The following LUZP2 variants were observed in gnomAD, a reference collection of about 807,000 sequenced individuals.
The protein encoded by LUZP2 is leucine zipper protein 2.
In LUZP2, 52 loss-of-function variants were observed where a neutral mutation model predicts 51.6. The ratio of observed to expected loss-of-function variants is 1.01; its 90% confidence interval spans 0.81 to 1.27. The LOEUF is 1.27. LUZP2 is among the 50% of genes most tolerant of loss of function. LUZP2 has a pLI of 0.00. For synonymous variants in LUZP2, 154 were observed against 137.3 expected (o/e 1.12, Z -0.85); for missense variants, 436 against 395.4 (o/e 1.10, Z -0.87).
At chr11:25,006,230 G>T (rs1338228870) in intron 9 of LUZP2, among the ~76,000 whole-genome samples, 1 of 152,132 alleles carries the variant, frequency 6.6e-6, no homozygotes, top group Non-Finnish European at 1.5e-5. Flanking sequence ...CCAGAGAGTG[G>T]TTTTTAGAAG....
intron 1 of LUZP2, among the ~76,000 whole-genome samples, chr11:24,592,276 C>G (rs1423000926): frequency 6.6e-6 from 1 of 152,180 alleles, no homozygotes; most frequent in Non-Finnish European, 1.5e-5. Flanking sequence ...TACAGCTACT[C>G]TTTTCATGAA....
At chr11:24,593,496 C>A (rs1394697570) in intron 1 of LUZP2, among the ~76,000 whole-genome samples, 2 of 152,156 alleles carry the variant, frequency 1.3e-5, no homozygotes, top group African/African-American at 4.8e-5. Flanking sequence ...TCAGCTAAGC[C>A]TGGTGTCCAC....
intron 9 of LUZP2, among the ~76,000 whole-genome samples, chr11:25,048,681 A>G (rs1484151896): frequency 6.6e-6 from 1 of 152,158 alleles, no homozygotes; most frequent in Non-Finnish European, 1.5e-5. Context: ...GGTCAGACGT[A>G]GGATTCCTAA....
At chr11:24,862,480 A>G (rs559012753) in intron 5 of LUZP2, among the ~76,000 whole-genome samples, 224 of 152,344 alleles carry the variant, frequency 1.5e-3, no homozygotes, top group Non-Finnish European at 6.6e-4. Context: ...CTATGAAGAA[A>G]GTGCATCAAC....
chr11:25,065,322 G>T (rs1858967622), intron 10 of LUZP2, among the ~76,000 whole-genome samples: 1 of 151,912 alleles, frequency 6.6e-6, no homozygotes, highest in South Asian at 2.1e-4. Context: ...TGTCATAATT[G>T]CCTATAACAT....
intron 5 of LUZP2, among the ~76,000 whole-genome samples, chr11:24,851,682 G>GA (rs564265286): frequency 1.0e-3 from 155 of 152,110 alleles, no homozygotes; most frequent in Non-Finnish European, 1.7e-3. Flanking sequence ...AATAGTTTCA[G>GA]AAAAAAATGG....
chr11:24,824,259 A>C (rs1176457200), intron 5 of LUZP2, among the ~76,000 whole-genome samples: 1 of 144,020 alleles, frequency 6.9e-6, no homozygotes, highest in East Asian at 2.1e-4. Context: ...CCAGCTACTC[A>C]GGAGGCTGAG....
chr11:24,729,659 T>C (rs572411221), intron 2 of LUZP2, among the ~76,000 whole-genome samples: 6 of 151,970 alleles, frequency 3.9e-5, no homozygotes, highest in Non-Finnish European at 8.8e-5. Context: ...CTTAAGATTC[T>C]TTAATAAACC....
At chr11:24,729,027 A>G (rs1490821014) in intron 1 of LUZP2, 142 bp from the exon 2 acceptor site, 3 of 465,214 alleles carry the variant, frequency 6.4e-6, no homozygotes, top group Non-Finnish European at 1.2e-5. Flanking sequence ...CCCCTTTTAT[A>G]TGAAATCATG....
chr11:24,602,401 C>CACAG (rs1853765378), intron 1 of LUZP2, among the ~76,000 whole-genome samples: 1 of 124,838 alleles, frequency 8.0e-6, no homozygotes, highest in Non-Finnish European at 1.7e-5. Flanking sequence ...CACACACACA[C>CACAG]ACACACACAC....
intron 1 of LUZP2, among the ~76,000 whole-genome samples, chr11:24,713,058 C>T (rs1221705255): frequency 6.6e-6 from 1 of 152,134 alleles, no homozygotes; most frequent in African/African-American, 2.4e-5. Context: ...TGCCACACAT[C>T]TACAATGTCT....
chr11:24,566,221 T>A (rs1424793971), intron 1 of LUZP2, among the ~76,000 whole-genome samples: 1 of 151,510 alleles, frequency 6.6e-6, no homozygotes. Context: ...GTAACTGTAT[T>A]AAAAAATTAA....
At chr11:25,049,367 T>G (rs534890744) in intron 9 of LUZP2, among the ~76,000 whole-genome samples, 5 of 152,186 alleles carry the variant, frequency 3.3e-5, no homozygotes, top group Non-Finnish European at 7.4e-5. Flanking sequence ...GAATGGATAA[T>G]CTTAAACCTA....
chr11:24,607,194 T>C (rs12295568), intron 1 of LUZP2, among the ~76,000 whole-genome samples: 6,309 of 150,740 alleles, frequency 0.042, 435 homozygotes, highest in African/African-American at 0.15. Flanking sequence ...TGATGTCAAA[T>C]CCAAAAAAAA....
intron 7 of LUZP2, among the ~76,000 whole-genome samples, chr11:24,954,051 C>A (rs1216006360): frequency 1.3e-5 from 2 of 151,752 alleles, no homozygotes; most frequent in African/African-American, 4.8e-5. Flanking sequence ...TGGAACCCTT[C>A]ACTTTTCCCT....
chr11:24,681,372 G>C (rs185826267), intron 1 of LUZP2, among the ~76,000 whole-genome samples: 85 of 152,286 alleles, frequency 5.6e-4, no homozygotes, highest in Non-Finnish European at 1.0e-3. Context: ...TTCTAAGAAA[G>C]ACTTAGGAGG....
chr11:24,593,877 GA>G (rs1853340703), intron 1 of LUZP2, among the ~76,000 whole-genome samples: 1 of 152,158 alleles, frequency 6.6e-6, no homozygotes, highest in African/African-American at 2.4e-5. Flanking sequence ...CATTTCAGGA[GA>G]GTAATTGGAA....
chr11:24,670,838 A>T (rs1333139308), intron 1 of LUZP2, among the ~76,000 whole-genome samples: 1 of 151,874 alleles, frequency 6.6e-6, no homozygotes, highest in Non-Finnish European at 1.5e-5. Flanking sequence ...CTTTTCTAGG[A>T]TTCCTGACAA....
At chr11:24,741,456 G>A (rs1167346386) in intron 4 of LUZP2, among the ~76,000 whole-genome samples, 2 of 151,906 alleles carry the variant, frequency 1.3e-5, no homozygotes, top group East Asian at 3.9e-4. Flanking sequence ...GGTACAGGTG[G>A]TATTTGGTTA....
Sources: gnomAD v4.1 joint callset for allele counts (sites outside exome capture counted in the v4.1 genomes callset) on GRCh38, gnomAD v4.1.1 for gene constraint, MANE v1.5 for transcripts, NCBI Gene and HGNC (gene_info 2026-07-23, HGNC 2026-07-21) for gene names.